TCF12: variants seen among roughly 807,000 people sequenced by gnomAD.
TCF12 encodes DNA-binding protein HTF4.
A neutral mutation model predicts 86.0 loss-of-function variants in TCF12; 45 were observed. The ratio of observed to expected loss-of-function variants is 0.52; its 90% CI spans 0.41 to 0.67. The LOEUF is 0.67. Among genes scored for constraint, TCF12 ranks in the 30% least tolerant of loss-of-function variants. The pLI is 0.00. For synonymous variants in TCF12, 330 were observed against 299.6 expected, an observed-to-expected ratio of 1.10 and a Z score of -1.05; for missense variants, 881 against 859.9, an observed-to-expected ratio of 1.02 and a Z score of -0.31.
At chr15:57,018,543 A>T (rs2141230294) in intron 3 of TCF12, among the ~76,000 whole-genome samples, 1 of 151,650 alleles carries the variant, frequency 6.6e-6, no homozygotes, top group East Asian at 1.9e-4. Flanking sequence ...GCTCACCGCA[A>T]CATGTGCTTC....
chr15:57,233,059 A>T (rs540979879), intron 11 of TCF12, among the ~76,000 whole-genome samples: 2 of 122,896 alleles, frequency 1.6e-5, no homozygotes. Context: ...TATATGTGTT[A>T]TATATGTATA....
intron 6 of TCF12, among the ~76,000 whole-genome samples, chr15:57,170,208 T>A (rs1425155109): frequency 6.6e-6 from 1 of 152,162 alleles, no homozygotes; most frequent in Non-Finnish European, 1.5e-5. Flanking sequence ...CCATCAGATT[T>A]CAACTCCGTG....
intron 12 of TCF12, among the ~76,000 whole-genome samples, chr15:57,234,558 C>T (rs17239431): frequency 0.39 from 59,306 of 151,702 alleles, 14,459 homozygotes; most frequent in Non-Finnish European, 0.54. Flanking sequence ...GAGCCTTCTC[C>T]CCAAAAAAGC....
intron 3 of TCF12, among the ~76,000 whole-genome samples, chr15:57,062,258 T>G (rs1349979399): frequency 1.3e-5 from 2 of 152,194 alleles, no homozygotes; most frequent in African/African-American, 4.8e-5. Flanking sequence ...GCCCGGCCGG[T>G]AACAGTGTTT....
At chr15:57,181,703 A>T (rs1376522723) in intron 6 of TCF12, among the ~76,000 whole-genome samples, 1 of 152,222 alleles carries the variant, frequency 6.6e-6, no homozygotes, top group Admixed American at 6.5e-5. Context: ...CTTAAAATAC[A>T]TGTATCACAT....
intron 3 of TCF12, among the ~76,000 whole-genome samples, chr15:57,024,320 A>C (rs554077703): frequency 6.2e-4 from 93 of 149,942 alleles, no homozygotes; most frequent in Non-Finnish European, 1.5e-5. Context: ...CTAGGATTCA[A>C]GCTATTCTCC....
At chr15:57,248,455 GCAAA>G (rs375902748) in intron 13 of TCF12, among the ~76,000 whole-genome samples, 4 of 152,322 alleles carry the variant, frequency 2.6e-5, no homozygotes, top group African/African-American at 9.6e-5. Flanking sequence ...AGCTTGGAAG[GCAAA>G]CAAGCAAAGT....
intron 8 of TCF12, among the ~76,000 whole-genome samples, chr15:57,212,175 A>C (rs2058138719): frequency 6.6e-6 from 1 of 152,108 alleles, no homozygotes; most frequent in Admixed American, 6.6e-5. Context: ...GGTTTCTTTC[A>C]CTGGAATTAT....
intron 3 of TCF12, among the ~76,000 whole-genome samples, chr15:57,020,685 G>A (rs891412616): frequency 6.6e-6 from 1 of 152,138 alleles, no homozygotes; most frequent in African/African-American, 2.4e-5. Flanking sequence ...AACATATATT[G>A]TTTAATTGGT....
rs145436507 is a variant in TCF12, at chr15:57,080,387, T to G, written c.223-11402T>G. 4.8e-3 allele frequency among the ~76,000 whole-genome samples: 738 copies of G among 152,312 alleles called. 8 individuals are homozygous for G. The highest frequency in any genetic ancestry group is 0.017 in the African/African-American group (709 of 41,566). On this transcript the variant is annotated intron_variant, in intron 4 of 20. Coordinates refer to ENST00000333725, the MANE Select transcript of TCF12 (RefSeq NM_207037.2). ...ATGTTAAGTAGAAATGAAGACTTCC[T>G]TCATTGCCGGTTCTTTGTTGGATTA...
chr15:57,063,691 C>A, intron 3 of TCF12, 59 bp from the exon 4 acceptor site: 3 of 1,486,678 alleles, frequency 2.0e-6, no homozygotes, highest in Non-Finnish European at 1.9e-6. Flanking sequence ...CTGTCCCGTA[C>A]CAAAAAAATC....
chr15:57,232,685 T>C (rs1405803276), intron 10 of TCF12, 27 bp from the exon 11 acceptor site: 1 of 1,599,620 alleles, frequency 6.3e-7, no homozygotes, highest in Non-Finnish European at 8.5e-7. Flanking sequence ...AAAATATATT[T>C]AATAGATCAT....
chr15:57,211,487 T>A (rs1368587418), intron 8 of TCF12, among the ~76,000 whole-genome samples: 2 of 152,242 alleles, frequency 1.3e-5, no homozygotes, highest in African/African-American at 4.8e-5. Context: ...ATAACTAGCC[T>A]TTTAGATACT....
chr15:57,231,119 A>T, intron 8 of TCF12, 33 bp from the exon 9 acceptor site: 1 of 1,499,356 alleles, frequency 6.7e-7, no homozygotes, highest in Non-Finnish European at 9.3e-7. Context: ...ATAGTCATTT[A>T]CATTTTAATT....
rs1459721538 is a variant in TCF12, at chr15:57,289,635, G to A, written c.*3490G>A. 6.6e-6 allele frequency: 1 copy of A among 151,978 alleles called. No homozygotes were observed. The highest frequency in any genetic ancestry group is 1.5e-5 in the Non-Finnish European group (1 of 68,006). 9.4% of individuals were successfully genotyped at this position (151,978 alleles called of 1,614,324 possible). A position where few individuals can be genotyped will look rare whatever the true frequency, so the allele number is the denominator to read the frequency against. On this transcript the variant is annotated 3_prime_UTR_variant, in exon 21 of 21. Transcript: ENST00000333725. ...TGTGTGTGTGTGTGTCTGTGTGTGT[G>A]TGACTTAAAGAATCTTAAGCTTTGG...
chr15:57,272,807 G>T (rs571884843), intron 18 of TCF12, among the ~76,000 whole-genome samples: 3 of 152,226 alleles, frequency 2.0e-5, no homozygotes, highest in Non-Finnish European at 4.4e-5. Context: ...AATGAAAAAT[G>T]CACTTAAGAG....
chr15:57,235,253 A>G (rs2059332734), intron 12 of TCF12, among the ~76,000 whole-genome samples: 1 of 152,190 alleles, frequency 6.6e-6, no homozygotes, highest in Non-Finnish European at 1.5e-5. Context: ...GCGCACCTAT[A>G]CTGAGCATTT....
At chr15:57,079,289 A>G (rs2070414901) in intron 4 of TCF12, among the ~76,000 whole-genome samples, 1 of 152,164 alleles carries the variant, frequency 6.6e-6, no homozygotes, top group African/African-American at 2.4e-5. Flanking sequence ...TTGATTGTGT[A>G]CTAGGTGAAG....
chr15:56,951,544 T>C (rs75328223), intron 3 of TCF12, among the ~76,000 whole-genome samples: 7,206 of 152,260 alleles, frequency 0.047, 519 homozygotes, highest in East Asian at 0.29. Flanking sequence ...GTTTCTAATT[T>C]TGGTGAAGTT....
Sources: gnomAD v4.1 joint callset for allele counts (sites outside exome capture counted in the v4.1 genomes callset) on GRCh38, gnomAD v4.1.1 for gene constraint, MANE v1.5 for transcripts, NCBI Gene and HGNC (gene_info 2026-07-23, HGNC 2026-07-21) for gene names.